The following FGF12 variants were observed in gnomAD, a reference collection of about 807,000 sequenced individuals.
FGF12 encodes the protein fibroblast growth factor 12.
FGF12 carries 14 observed loss-of-function variants against 23.6 expected under a neutral mutation model. The observed-to-expected ratio is 0.59, with a 90% CI of 0.39 to 0.93. The LOEUF is 0.93. Ranked by LOEUF, FGF12 falls within the 40% of genes least tolerant of loss-of-function variation. FGF12 has a pLI of 0.00. For missense variants in FGF12, 175 were observed against 217.8 expected (o/e 0.80, Z 1.24); for synonymous variants, 62 against 77.3 (o/e 0.80, Z 1.04).
At chr3:192,714,513 A>ATTTTTTTTTTTTTTTTTTTTTTTTTTTT (rs770781442) in intron 2 of FGF12, among the ~76,000 whole-genome samples, 7 of 99,756 alleles carry the variant, frequency 7.0e-5, no homozygotes, top group East Asian at 6.3e-4. Flanking sequence ...TAAGGAAATA[A>ATTTTTTTTTTTTTTTTTTTTTTTTTTTT]TTTTTTTTTT....
intron 2 of FGF12, among the ~76,000 whole-genome samples, chr3:192,536,989 T>C (rs1431703229): frequency 6.6e-6 from 1 of 152,158 alleles, no homozygotes; most frequent in Non-Finnish European, 1.5e-5. Context: ...CATTCTACTG[T>C]CTATCCCCCT....
At chr3:192,209,351 A>T (rs1249289001) in intron 4 of FGF12, among the ~76,000 whole-genome samples, 1 of 152,202 alleles carries the variant, frequency 6.6e-6, no homozygotes, top group East Asian at 1.9e-4. Flanking sequence ...AAACAGAAAA[A>T]TAGAAAGCTG....
intron 2 of FGF12, among the ~76,000 whole-genome samples, chr3:192,567,884 G>C (rs1302482564): frequency 1.3e-5 from 2 of 150,346 alleles, no homozygotes; most frequent in Admixed American, 1.3e-4. Context: ...CCAGGCTGGA[G>C]TGCAGTGGCG....
At chr3:192,507,719 A>T (rs754356624) in intron 2 of FGF12, among the ~76,000 whole-genome samples, 1 of 152,204 alleles carries the variant, frequency 6.6e-6, no homozygotes, top group Non-Finnish European at 1.5e-5. Context: ...AAGGGCTATT[A>T]CTGCCCAGAA....
At chr3:192,145,195 A>G (rs9850866) in intron 5 of FGF12, among the ~76,000 whole-genome samples, 94,781 of 152,158 alleles carry the variant, frequency 0.62, 31,205 homozygotes, top group Non-Finnish European at 0.73. Context: ...AAAATTGCAT[A>G]TTTATGAAGA....
chr3:192,670,669 G>A (rs1003723206), intron 2 of FGF12, among the ~76,000 whole-genome samples: 16 of 152,128 alleles, frequency 1.1e-4, no homozygotes, highest in East Asian at 3.8e-4. Context: ...TGATTGCAAA[G>A]TACTTGGACT....
intron 2 of FGF12, among the ~76,000 whole-genome samples, chr3:192,465,642 A>T (rs1423221767): frequency 6.6e-6 from 1 of 152,180 alleles, no homozygotes; most frequent in Non-Finnish European, 1.5e-5. Flanking sequence ...TTTATGCTGA[A>T]TAGCTACTTT....
At chr3:192,291,429 C>CA (rs1714753485) in intron 4 of FGF12, among the ~76,000 whole-genome samples, 1 of 151,766 alleles carries the variant, frequency 6.6e-6, no homozygotes, top group African/African-American at 2.4e-5. Context: ...AAAAAATAAA[C>CA]AAAATTAGCT....
intron 2 of FGF12, among the ~76,000 whole-genome samples, chr3:192,546,775 G>T (rs766047105): frequency 7.0e-6 from 1 of 142,438 alleles, no homozygotes; most frequent in African/African-American, 2.5e-5. Context: ...TGGGCTGGGT[G>T]GGGTGGCTTA....
chr3:192,315,924 G>C (rs1023867863), intron 4 of FGF12, among the ~76,000 whole-genome samples: 1 of 152,176 alleles, frequency 6.6e-6, no homozygotes, highest in African/African-American at 2.4e-5. Flanking sequence ...TGCTTTATCA[G>C]TTTAGCAGTT....
At chr3:192,706,428 C>T (rs1055374547) in intron 2 of FGF12, among the ~76,000 whole-genome samples, 2 of 152,006 alleles carry the variant, frequency 1.3e-5, no homozygotes, top group African/African-American at 2.4e-5. Flanking sequence ...GTTAAGTCAC[C>T]GACTGACCGC....
At position 192,208,745 on chromosome 3, in the gene FGF12, C is replaced by T. The variant is rs767876261; in HGVS notation, c.229-38089G>A. Among the ~76,000 whole-genome samples, 20 of 152,270 alleles carry T rather than the reference C, an allele frequency of 1.3e-4. No individual in the cohort carries two copies. In the South Asian group the frequency reaches 3.9e-3, roughly 30 times the overall value. On this transcript the variant is annotated intron_variant, in intron 4 of 5. Coordinates refer to ENST00000445105, the MANE Select transcript of FGF12 (RefSeq NM_004113.6). Reference sequence around the variant, plus strand: ...GCTTTCAGAGCATTCTTTGACCTATCTTTACTGGGAGCAACTCCTTTGTAG... The same window carrying T: ...GCTTTCAGAGCATTCTTTGACCTATTTTTACTGGGAGCAACTCCTTTGTAG...
At chr3:192,328,464 A>T (rs147780368) in intron 4 of FGF12, among the ~76,000 whole-genome samples, 5 of 152,280 alleles carry the variant, frequency 3.3e-5, no homozygotes, top group African/African-American at 1.2e-4. Flanking sequence ...TTGGTACCTG[A>T]AGAGTAACAT....
At chr3:192,246,801 G>A (rs1452361679) in intron 4 of FGF12, among the ~76,000 whole-genome samples, 1 of 147,196 alleles carries the variant, frequency 6.8e-6, no homozygotes. Flanking sequence ...CTCCAGCCTG[G>A]GTGACAAGAG....
At chr3:192,523,876 G>A (rs1045996138) in intron 2 of FGF12, among the ~76,000 whole-genome samples, 3 of 152,180 alleles carry the variant, frequency 2.0e-5, no homozygotes, top group African/African-American at 7.2e-5. Context: ...GCCGAGGAGG[G>A]ATGCAAACCA....
chr3:192,345,769 T>A (rs1463380946), intron 3 of FGF12, among the ~76,000 whole-genome samples: 1 of 151,900 alleles, frequency 6.6e-6, no homozygotes, highest in Non-Finnish European at 1.5e-5. Flanking sequence ...AAAAACAGAC[T>A]ATAATAAGAA....
rs550993499 is a variant in FGF12 at position 192,334,648 on chromosome 3, G to A, written c.228+713C>T. ...TTTAAAATATGTCAGTGCTGATAATGTAGCCACTGATGGCTACCTAATTTT... is the reference window on the plus strand; with the variant it reads ...TTTAAAATATGTCAGTGCTGATAATATAGCCACTGATGGCTACCTAATTTT... On this transcript the variant is annotated intron_variant, in intron 4 of 5. Transcript: ENST00000445105. 2.6e-5 allele frequency among the ~76,000 whole-genome samples: 4 copies of A among 151,992 alleles called. No individual in the cohort carries two copies. The East Asian group carries it at 7.8e-4, about 29-fold the overall frequency.
chr3:192,576,746 A>C (rs71312499), intron 2 of FGF12, among the ~76,000 whole-genome samples: 20,314 of 152,174 alleles, frequency 0.13, 3,559 homozygotes, highest in African/African-American at 0.41. Flanking sequence ...GGAGGGCAGA[A>C]AAATAAATCA....
At chr3:192,359,051 G>T (rs1443042506) in intron 3 of FGF12, among the ~76,000 whole-genome samples, 2 of 152,070 alleles carry the variant, frequency 1.3e-5, no homozygotes, top group African/African-American at 4.8e-5. Context: ...TACATGGAGA[G>T]AAAAGTATCC....
Sources: gnomAD v4.1 joint callset for allele counts (sites outside exome capture counted in the v4.1 genomes callset) on GRCh38, gnomAD v4.1.1 for gene constraint, MANE v1.5 for transcripts, NCBI Gene and HGNC (gene_info 2026-07-23, HGNC 2026-07-21) for gene names.